The following CCDC6 variants were observed in gnomAD, a reference collection of about 807,000 sequenced individuals.
The protein encoded by CCDC6 is coiled-coil domain containing 6.
A neutral mutation model predicts 56.6 loss-of-function variants in CCDC6; 20 were observed. The ratio of observed to expected loss-of-function variants is 0.35; its 90% CI spans 0.25 to 0.51. The LOEUF is 0.51. CCDC6 is among the 20% of genes least tolerant of loss of function. The probability of loss-of-function intolerance (pLI) is 0.95; values close to 1 mark genes in which losing one functional copy is unlikely to be tolerated. For missense variants in CCDC6, 367 were observed against 601.1 expected, an observed-to-expected ratio of 0.61 and a Z score of 4.07; for synonymous variants, 241 against 234.4, an observed-to-expected ratio of 1.03 and a Z score of -0.26.
intron 2 of CCDC6, among the ~76,000 whole-genome samples, chr10:59,849,233 G>C (rs2071018419): frequency 6.6e-6 from 1 of 152,154 alleles, no homozygotes; most frequent in Non-Finnish European, 1.5e-5. Flanking sequence ...GAAAGATGTA[G>C]ACTTCTCAGT....
chr10:59,887,886 C>A (rs2071394451), intron 1 of CCDC6, among the ~76,000 whole-genome samples: 1 of 152,142 alleles, frequency 6.6e-6, no homozygotes, highest in Non-Finnish European at 1.5e-5. Context: ...GGCCACCTCC[C>A]TGGAAATGCC....
chr10:59,882,753 G>C lies in CCDC6; in HGVS notation c.303+23369C>G, dbSNP rs186228225. Among the ~76,000 whole-genome samples, 683 of 152,134 alleles carry C rather than the reference G, an allele frequency of 4.5e-3. 6 individuals are homozygous for C. Among genetic ancestry groups the C allele is most frequent in the African/African-American group, 0.016 (660 of 41,520 alleles). The stretch of plus-strand genomic sequence containing the variant: ...AGGCAGGCGGATTATGAGGTTAGGA[G>C]ATCGAGACCATTCTGGGTAACACAG... On this transcript the variant is annotated intron_variant, in intron 1 of 8. Transcript: ENST00000263102.
intron 7 of CCDC6, among the ~76,000 whole-genome samples, chr10:59,802,793 T>C (rs1480453685): frequency 6.6e-6 from 1 of 152,250 alleles, no homozygotes; most frequent in Non-Finnish European, 1.5e-5. Flanking sequence ...GGAATATTCC[T>C]AACCAAGGTC....
intron 7 of CCDC6, among the ~76,000 whole-genome samples, chr10:59,795,095 C>G (rs1427257376): frequency 2.0e-5 from 3 of 149,752 alleles, no homozygotes; most frequent in Non-Finnish European, 4.4e-5. Flanking sequence ...AAAAAAAAAG[C>G]AAAAACAAAT....
chr10:59,862,679 A>G (rs1242855399), intron 1 of CCDC6, among the ~76,000 whole-genome samples: 1 of 151,868 alleles, frequency 6.6e-6, no homozygotes, highest in Non-Finnish European at 1.5e-5. Context: ...AATCACCCTC[A>G]GAAGTAGTTA....
At chr10:59,897,075 A>T (rs1430216058) in intron 1 of CCDC6, among the ~76,000 whole-genome samples, 1 of 152,156 alleles carries the variant, frequency 6.6e-6, no homozygotes, top group Admixed American at 6.5e-5. Flanking sequence ...AAAACAATAA[A>T]ATCACCTAGT....
rs2070480406 is a variant in CCDC6 at position 59,792,853 on chromosome 10, T to C, written c.*64A>G. 4 of 1,504,290 alleles carry C rather than the reference T, an allele frequency of 2.7e-6. No homozygotes were observed. The highest frequency in any genetic ancestry group is 1.1e-5 in the South Asian group (1 of 88,890). 93.2% of individuals were successfully genotyped at this position (1,504,290 alleles called of 1,614,324 possible). ...CCAAATATGCCAGAGAAGGAAGCCT[T>C]TGGCGTTGAGTAGACGGCTCCATTG... On this transcript the variant is annotated 3_prime_UTR_variant, in exon 9 of 9. Coordinates refer to ENST00000263102, the MANE Select transcript of CCDC6 (RefSeq NM_005436.5).
intron 1 of CCDC6, among the ~76,000 whole-genome samples, chr10:59,861,114 G>C (rs573832459): frequency 6.6e-6 from 1 of 152,108 alleles, no homozygotes; most frequent in Non-Finnish European, 1.5e-5. Context: ...GGGAAGTAGA[G>C]GTTGTAGTGA....
chr10:59,826,505 C>T (rs759019755), intron 3 of CCDC6, among the ~76,000 whole-genome samples: 5 of 152,156 alleles, frequency 3.3e-5, no homozygotes, highest in East Asian at 1.9e-4. Flanking sequence ...CTCTCCTCCA[C>T]TACAGTACTC....
intron 2 of CCDC6, among the ~76,000 whole-genome samples, chr10:59,836,789 A>C (rs1007116041): frequency 6.2e-4 from 95 of 152,250 alleles, no homozygotes; most frequent in African/African-American, 2.1e-3. Context: ...TCACATAACA[A>C]TGATCCCTCA....
intron 1 of CCDC6, among the ~76,000 whole-genome samples, chr10:59,887,856 G>A (rs1332627672): frequency 6.6e-6 from 1 of 151,970 alleles, no homozygotes; most frequent in Non-Finnish European, 1.5e-5. Context: ...AGAGGAGAAA[G>A]AACCCTAGCC....
chr10:59,828,596 C>G (rs2070808606), intron 3 of CCDC6, among the ~76,000 whole-genome samples: 1 of 152,116 alleles, frequency 6.6e-6, no homozygotes, highest in Non-Finnish European at 1.5e-5. Flanking sequence ...AGATGAGAAC[C>G]AGGGGACCAC....
intron 4 of CCDC6, among the ~76,000 whole-genome samples, chr10:59,813,844 C>G (rs1021859375): frequency 2.6e-5 from 4 of 152,096 alleles, no homozygotes; most frequent in Non-Finnish European, 4.4e-5. Flanking sequence ...TGTGGTATGC[C>G]TGTATTTTGC....
chr10:59,831,071 C>T (rs757468320), intron 3 of CCDC6, among the ~76,000 whole-genome samples: 3 of 152,198 alleles, frequency 2.0e-5, no homozygotes, highest in Non-Finnish European at 4.4e-5. Flanking sequence ...CTTACCTTAA[C>T]TTGAACAGAA....
chr10:59,808,942 A>G (rs1275771513), intron 5 of CCDC6, among the ~76,000 whole-genome samples: 5 of 152,214 alleles, frequency 3.3e-5, no homozygotes, highest in Non-Finnish European at 7.3e-5. Context: ...ACGTGCACTA[A>G]ACACTAAATC....
At position 59,812,521 on chromosome 10, in the gene CCDC6, T is replaced by C. The variant is rs180903176; in HGVS notation, c.847+114A>G. ...AACTTAAGTAAACATGCATCAGTAATATATGAATTTAATTACTGCAAATTC... is the reference window on the plus strand; with the variant it reads ...AACTTAAGTAAACATGCATCAGTAACATATGAATTTAATTACTGCAAATTC... On this transcript the variant is annotated intron_variant, in intron 5 of 8. Coordinates refer to ENST00000263102, the MANE Select transcript of CCDC6 (RefSeq NM_005436.5). 9 of 690,652 alleles carry C rather than the reference T, an allele frequency of 1.3e-5. No individual in the cohort carries two copies. The East Asian group carries it at 2.0e-4, about 16-fold the overall frequency. The allele number at this position is 690,652 out of a possible 1,614,324, so 42.8% of individuals were successfully genotyped here.
intron 2 of CCDC6, among the ~76,000 whole-genome samples, chr10:59,846,742 T>C (rs1284860676): frequency 1.3e-5 from 2 of 152,240 alleles, no homozygotes; most frequent in African/African-American, 4.8e-5. Flanking sequence ...ATTTGCAAGC[T>C]GGATTAGATT....
chr10:59,886,052 T>C (rs1242079331), intron 1 of CCDC6, among the ~76,000 whole-genome samples: 1 of 152,076 alleles, frequency 6.6e-6, no homozygotes, highest in South Asian at 2.1e-4. Flanking sequence ...TTTTGTAATA[T>C]ATACGTTATT....
chr10:59,893,462 G>A (rs7076972), intron 1 of CCDC6, among the ~76,000 whole-genome samples: 13,259 of 152,080 alleles, frequency 0.087, 716 homozygotes, highest in African/African-American at 0.14. Flanking sequence ...ACAAATAGCT[G>A]GGCATGGTGG....
Sources: allele counts gnomAD v4.1 joint callset (sites outside exome capture counted in the v4.1 genomes callset), GRCh38; gene constraint gnomAD v4.1.1; transcripts MANE v1.5; gene names NCBI Gene and HGNC (gene_info 2026-07-23, HGNC 2026-07-21).